PCDH15: variants seen among roughly 807,000 people sequenced by gnomAD.
PCDH15 encodes protocadherin-15.
Under a neutral mutation model 178.5 loss-of-function variants are expected in PCDH15, and 129 were observed. That is an observed-to-expected ratio of 0.72 (90% CI 0.63 to 0.84). The LOEUF is 0.84. PCDH15 is among the 40% of genes least tolerant of loss of function. The pLI, the probability that PCDH15 is intolerant of heterozygous loss-of-function variation, is 0.00. For missense variants in PCDH15, 2,230 were observed against 2,099.9 expected, an observed-to-expected ratio of 1.06 and a Z score of -1.21; for synonymous variants, 800 against 732.0, an observed-to-expected ratio of 1.09 and a Z score of -1.50.
At chr10:55,024,835 T>C (rs553625542) in intron 2 of PCDH15, among the ~76,000 whole-genome samples, 1 of 152,302 alleles carries the variant, frequency 6.6e-6, no homozygotes, top group South Asian at 2.1e-4. Context: ...GCCTTCATTA[T>C]TTCTATTCTA....
intron 3 of PCDH15, among the ~76,000 whole-genome samples, chr10:54,426,671 T>A (rs942636823): frequency 3.3e-5 from 5 of 152,204 alleles, no homozygotes; most frequent in African/African-American, 4.8e-5. Flanking sequence ...ATTTTTTTTT[T>A]AAATTGAATT....
At chr10:54,046,139 T>C in intron 18 of PCDH15, among the ~76,000 whole-genome samples, 1 of 152,132 alleles carries the variant, frequency 6.6e-6, no homozygotes, top group Non-Finnish European at 1.5e-5. Context: ...TAATGCGATA[T>C]CACTGAAACC....
intron 1 of PCDH15, among the ~76,000 whole-genome samples, chr10:55,271,383 T>G (rs1842440371): frequency 6.6e-6 from 1 of 152,024 alleles, no homozygotes; most frequent in African/African-American, 2.4e-5. Flanking sequence ...AAAAAAAGGA[T>G]TTTTTTCTCT....
intron 2 of PCDH15, among the ~76,000 whole-genome samples, chr10:55,494,812 G>T (rs943408860): frequency 6.6e-6 from 1 of 151,552 alleles, no homozygotes; most frequent in Non-Finnish European, 1.5e-5. Flanking sequence ...AATCTTATGT[G>T]CATACATTTT....
At chr10:55,321,037 C>T (rs1843885149), upstream of PCDH15, among the ~76,000 whole-genome samples, 1 of 151,380 alleles carries the variant, frequency 6.6e-6, no homozygotes, top group Non-Finnish European at 1.5e-5. Flanking sequence ...AGATTCTATG[C>T]CTTACACTTT....
chr10:53,904,509 A>G (rs1332377590), intron 25 of PCDH15, among the ~76,000 whole-genome samples: 1 of 151,252 alleles, frequency 6.6e-6, no homozygotes, highest in Non-Finnish European at 1.5e-5. Context: ...GTCAGACAGA[A>G]CAGTGAGTTA....
chr10:54,563,144 T>C (rs1238379195), intron 2 of PCDH15, among the ~76,000 whole-genome samples: 1 of 152,192 alleles, frequency 6.6e-6, no homozygotes, highest in Non-Finnish European at 1.5e-5. Context: ...TAAAACAATT[T>C]ACATTTTGCT....
chr10:53,851,828 C>G (rs1208066059), intron 28 of PCDH15, among the ~76,000 whole-genome samples: 1 of 150,108 alleles, frequency 6.7e-6, no homozygotes, highest in Non-Finnish European at 1.5e-5. Flanking sequence ...AACCTTAATT[C>G]TAGGAACTAT....
intron 8 of PCDH15, among the ~76,000 whole-genome samples, chr10:54,261,036 G>A (rs192717167): frequency 6.1e-4 from 93 of 152,162 alleles, no homozygotes; most frequent in African/African-American, 2.2e-3. Flanking sequence ...TTATATTTCT[G>A]CACATATTTT....
intron 2 of PCDH15, among the ~76,000 whole-genome samples, chr10:55,347,966 C>G (rs975899599): frequency 6.6e-6 from 1 of 151,824 alleles, no homozygotes. Context: ...GAATTGTAAG[C>G]CTAAGTCAAA....
At chr10:54,296,412 G>A (rs2059794303) in intron 8 of PCDH15, among the ~76,000 whole-genome samples, 1 of 151,984 alleles carries the variant, frequency 6.6e-6, no homozygotes, top group African/African-American at 2.4e-5. Flanking sequence ...TGTCGCCTAA[G>A]GGAGACTCGC....
intron 2 of PCDH15, among the ~76,000 whole-genome samples, chr10:55,609,045 C>T (rs1054841312): frequency 3.3e-5 from 5 of 151,296 alleles, no homozygotes; most frequent in Non-Finnish European, 4.4e-5. Context: ...CACACACACA[C>T]GCACACACAT....
intron 13 of PCDH15, among the ~76,000 whole-genome samples, chr10:54,155,791 TAAA>T (rs527427577): frequency 1.7e-5 from 2 of 119,564 alleles, no homozygotes; most frequent in African/African-American, 3.1e-5. Flanking sequence ...GTGAGACTCT[TAAA>T]AAAAAAAAAA....
intron 1 of PCDH15, among the ~76,000 whole-genome samples, chr10:55,205,806 C>A (rs1399339851): frequency 1.3e-5 from 2 of 151,878 alleles, no homozygotes; most frequent in African/African-American, 4.8e-5. Context: ...TGGGACTGGG[C>A]AATTTACAAA....
At chr10:54,302,883 A>T (rs1216017019) in intron 8 of PCDH15, among the ~76,000 whole-genome samples, 1 of 152,156 alleles carries the variant, frequency 6.6e-6, no homozygotes, top group Non-Finnish European at 1.5e-5. Context: ...TCATGATGTG[A>T]CTATTAGGCT....
chr10:54,203,210 A>G (rs2050432988), intron 10 of PCDH15, among the ~76,000 whole-genome samples: 1 of 152,204 alleles, frequency 6.6e-6, no homozygotes, highest in African/African-American at 2.4e-5. Context: ...GTTCAACACC[A>G]CTAAAATTGT....
intron 2 of PCDH15, among the ~76,000 whole-genome samples, chr10:55,618,765 C>T (rs750029841): frequency 1.3e-5 from 2 of 151,960 alleles, no homozygotes; most frequent in African/African-American, 2.4e-5. Context: ...AATTACTGAC[C>T]TTGTACAATT....
chr10:55,203,032 A>G (rs1236646367), intron 1 of PCDH15, among the ~76,000 whole-genome samples: 2 of 152,108 alleles, frequency 1.3e-5, no homozygotes, highest in Non-Finnish European at 2.9e-5. Context: ...AATACCATCA[A>G]TTCAATCTCA....
rs1331961667 is a variant in PCDH15, at chr10:55,046,978, T to C, written c.-80+119598A>G. On this transcript the variant is annotated intron_variant, in intron 2 of 5. Coordinates refer to the PCDH15 transcript ENST00000458638. Reference sequence around the variant, plus strand: ...ATTACATATTCATCTATATTCAATGTTGTTCTTGTTAGTAAAAACATGACA... The same window carrying C: ...ATTACATATTCATCTATATTCAATGCTGTTCTTGTTAGTAAAAACATGACA... Among the ~76,000 whole-genome samples, 4 of 152,014 alleles carry C rather than the reference T, an allele frequency of 2.6e-5. No individual in the cohort carries two copies. The East Asian group carries it at 7.7e-4, about 29-fold the overall frequency.
Sources: allele counts gnomAD v4.1 joint callset (sites outside exome capture counted in the v4.1 genomes callset), GRCh38; gene constraint gnomAD v4.1.1; transcripts MANE v1.5; gene names NCBI Gene and HGNC (gene_info 2026-07-23, HGNC 2026-07-21).